Variants in PCSK9 observed in about 807,000 individuals in gnomAD.
PCSK9 encodes convertase subtilisin/kexin type 9 preproprotein.
PCSK9 carries 57 observed loss-of-function variants against 62.1 expected under a neutral mutation model. The ratio of observed to expected loss-of-function variants is 0.92; its 90% CI spans 0.74 to 1.14. The LOEUF is 1.14. PCSK9 is among the 50% of genes most tolerant of loss of function. The pLI is 0.00. For missense variants in PCSK9, 870 were observed against 959.8 expected (o/e 0.91, Z 1.24); for synonymous variants, 387 against 409.4 (o/e 0.95, Z 0.66).
intron 3 of PCSK9, among the ~76,000 whole-genome samples, chr1:55,048,735 G>A (rs1644652933): frequency 6.6e-6 from 1 of 152,224 alleles, no homozygotes; most frequent in Non-Finnish European, 1.5e-5. Flanking sequence ...GTGTGACCTT[G>A]CATACGTCAC....
chr1:55,039,718 G>A lies in PCSK9; in HGVS notation c.-120G>A. 8.1e-7 allele frequency: 1 copy of A among 1,232,468 alleles called. No homozygotes were observed. The highest frequency in any genetic ancestry group is 1.1e-6 in the Non-Finnish European group (1 of 877,058). 76.3% of individuals were successfully genotyped at this position (1,232,468 alleles called of 1,614,324 possible). On this transcript the variant is annotated 5_prime_UTR_variant, in exon 1 of 12. Coordinates refer to ENST00000302118, the MANE Select transcript of PCSK9 (RefSeq NM_174936.4). ...TTCCGCGCGCCCCTTCACGCGCCCT[G>A]CTCCTGAACTTCAGCTCCTGCACAG... is the stretch of plus-strand genomic sequence containing the variant.
intron 3 of PCSK9, chr1:55,051,779 G>A (rs546058081): frequency 9.1e-5 from 22 of 241,650 alleles, no homozygotes; most frequent in Middle Eastern, 3.4e-3. Context: ...CTGGAGCCAG[G>A]AGGCCCAGAC....
At position 55,058,640 on chromosome 1, in the gene PCSK9, G is replaced by A. The variant is rs143394031; in HGVS notation, c.1496G>A (p.Arg499His). Reference sequence around the variant, plus strand: ...AGGAGTGGGAAGCGGCGGGGCGAGCGCATGGAGGTGACTGTACCCCTCCTT... The same window carrying A: ...AGGAGTGGGAAGCGGCGGGGCGAGCACATGGAGGTGACTGTACCCCTCCTT... ...FSRSGKRRGE[R>H]MEAQGGKLVC... The change falls in exon 9 of 12, where the codon CGC becomes CAC. Residue 499 changes from arginine (R) to histidine (H), a missense_variant. Arg to His is a conservative substitution (Grantham distance 29, BLOSUM62 0). Transcript: ENST00000302118. The A allele has an allele frequency of 2.2e-5, 35 of 1,609,408 alleles. No homozygotes were observed. The highest frequency in any genetic ancestry group is 1.2e-4 in the African/African-American group (9 of 74,710).
intron 10 of PCSK9, among the ~76,000 whole-genome samples, 179 bp from the exon 11 acceptor site, chr1:55,061,195 TG>T (rs1359657314): frequency 6.6e-6 from 1 of 152,234 alleles, no homozygotes; most frequent in Non-Finnish European, 1.5e-5. Flanking sequence ...GCTGGTCAGC[TG>T]CAGAGTTGAG....
At chr1:55,052,196 G>A (rs2100295941) in intron 3 of PCSK9, 82 bp from the exon 4 acceptor site, 13 of 1,589,630 alleles carry the variant, frequency 8.2e-6, no homozygotes, top group African/African-American at 1.3e-5. Context: ...TGCCTGGGAT[G>A]TGCTCTGTAG....
chr1:55,055,838 A>T (rs984642906), intron 5 of PCSK9, among the ~76,000 whole-genome samples, 155 bp from the exon 6 acceptor site: 1 of 152,202 alleles, frequency 6.6e-6, no homozygotes. Flanking sequence ...ACATCTAAAA[A>T]ATATTTTCGC....
In PCSK9 at chr1:55,040,068, C is replaced by T; in HGVS notation, c.207+24C>T. The T allele has an allele frequency of 6.5e-7, 1 of 1,548,562 alleles. No individual in the cohort carries two copies. Among genetic ancestry groups the T allele is most frequent in the South Asian group, 1.2e-5 (1 of 83,938 alleles). On this transcript the variant is annotated intron_variant, in intron 1 of 11. Transcript: ENST00000302118. This position sits in a 1 kb window ranked among gnomAD's most constrained non-coding sequence, Gnocchi z 4.1. The stretch of plus-strand genomic sequence containing the variant: ...AGGTGCGGGTGTAGGGATGGGAGGC[C>T]GGGGCGAACCCGCAGCCGGGACGGT...
chr1:55,043,026 C>T (rs981388817), intron 1 of PCSK9, among the ~76,000 whole-genome samples: 2 of 152,358 alleles, frequency 1.3e-5, no homozygotes, highest in South Asian at 2.1e-4. Flanking sequence ...TGTAGGCTCC[C>T]CTTCACCTTC....
intron 3 of PCSK9, among the ~76,000 whole-genome samples, chr1:55,049,762 G>A (rs1449328269): frequency 6.6e-6 from 1 of 152,234 alleles, no homozygotes; most frequent in Non-Finnish European, 1.5e-5. Flanking sequence ...GTGGGCTGGT[G>A]TGAGCGGGCA....
chr1:55,056,052 C>CT lies in PCSK9; in HGVS notation c.860dup (p.Pro288AlafsTer139), dbSNP rs1416772607. On this transcript the variant is annotated frameshift_variant, in exon 6 of 12. Coordinates refer to ENST00000302118, the MANE Select transcript of PCSK9 (RefSeq NM_174936.4). LOFTEE classifies it high-confidence loss of function. ...GCCTGTGGGGCCACTGGTGGTGCTG[C>CT]TGCCCCTGGCGGGTGGGTACAGCCG... The CT allele has an allele frequency of 6.2e-7, 1 of 1,608,218 alleles. No individual in the cohort carries two copies. Among genetic ancestry groups the CT allele is most frequent in the Non-Finnish European group, 8.5e-7 (1 of 1,176,460 alleles).
intron 1 of PCSK9, among the ~76,000 whole-genome samples, chr1:55,042,229 C>G (rs1341767085): frequency 2.0e-5 from 3 of 152,164 alleles, no homozygotes; most frequent in Admixed American, 1.3e-4. Context: ...TCCCAAAGTG[C>G]TCGAATTACA....
chr1:55,053,887 T>C (rs953995069), intron 5 of PCSK9, among the ~76,000 whole-genome samples: 2 of 152,222 alleles, frequency 1.3e-5, no homozygotes, highest in South Asian at 4.1e-4. Flanking sequence ...CCTGGTGCTC[T>C]GGCCTCTGGA....
At chr1:55,059,779 G>C in intron 10 of PCSK9, 116 bp downstream of exon 10, 1 of 1,334,902 alleles carries the variant, frequency 7.5e-7, no homozygotes, top group Non-Finnish European at 1.0e-6. Context: ...CTGACTTGCA[G>C]TTCCATACTC....
At chr1:55,049,780 C>T (rs1289823401) in intron 3 of PCSK9, among the ~76,000 whole-genome samples, 3 of 152,202 alleles carry the variant, frequency 2.0e-5, no homozygotes, top group Non-Finnish European at 4.4e-5. Flanking sequence ...GCAGGAACCG[C>T]CTGCACTTAG....
intron 3 of PCSK9, chr1:55,051,344 G>A: frequency 2.7e-6 from 1 of 373,152 alleles, no homozygotes; most frequent in Non-Finnish European, 5.3e-6. Context: ...TGGCTGCAGG[G>A]GTTCCAGGGC....
intron 2 of PCSK9, among the ~76,000 whole-genome samples, chr1:55,045,329 T>C (rs1196353468): frequency 6.6e-6 from 1 of 152,164 alleles, no homozygotes; most frequent in Non-Finnish European, 1.5e-5. Flanking sequence ...ATTGGCTGTC[T>C]AACCCTGAGC....
At chr1:55,061,243 T>G (rs1644756460) in intron 10 of PCSK9, 132 bp from the exon 11 acceptor site, 1 of 1,065,944 alleles carries the variant, frequency 9.4e-7, no homozygotes, top group South Asian at 1.7e-5. Flanking sequence ...AGCATCTCTT[T>G]TTTTCTTTGA....
At position 55,052,764 on chromosome 1, in the gene PCSK9, A is replaced by G. The variant is rs771479424; in HGVS notation, c.772A>G (p.Lys258Glu). ...CCTGCGCGTGCTCAACTGCCAAGGG[A>G]AGGGCACGGTTAGCGGCACCCTCAT... Reference protein sequence around the residue: ...RSLRVLNCQGKGTVSGTLIGL... With the variant: ...RSLRVLNCQGEGTVSGTLIGL... The change falls in exon 5 of 12, where the codon AAG becomes GAG. Residue 258 changes from lysine (K) to glutamate (E), a missense_variant. Lys to Glu is a moderately conservative substitution (Grantham distance 56). Transcript: ENST00000302118. 3.7e-6 allele frequency: 6 copies of G among 1,613,120 alleles called. No individual in the cohort carries two copies. Among genetic ancestry groups the G allele is most frequent in the Non-Finnish European group, 8.5e-7 (1 of 1,179,978 alleles).
intron 10 of PCSK9, 81 bp downstream of exon 10, chr1:55,059,744 C>A: frequency 6.7e-7 from 1 of 1,484,856 alleles, no homozygotes; most frequent in Non-Finnish European, 9.1e-7. Flanking sequence ...TTGGTCCTCA[C>A]AAGTGTGATC....
Sources: gnomAD v4.1 joint callset for allele counts (sites outside exome capture counted in the v4.1 genomes callset) on GRCh38, gnomAD v4.1.1 for gene constraint, Gnocchi (gnomAD v3.1) non-coding constraint, MANE v1.5 for transcripts, NCBI Gene and HGNC (gene_info 2026-07-23, HGNC 2026-07-21) for gene names.